Variants in CCDC7 observed in about 807,000 individuals in gnomAD.
CCDC7 encodes the protein coiled-coil domain-containing protein 7.
In CCDC7, 183 loss-of-function variants were observed where a neutral mutation model predicts 196.9. The ratio of observed to expected loss-of-function variants is 0.93; its 90% confidence interval spans 0.82 to 1.05. The LOEUF (loss-of-function observed/expected upper bound fraction) is 1.05, where lower values mean the gene tolerates loss of function less well. CCDC7 is among the 50% of genes least tolerant of loss of function. CCDC7 has a pLI of 0.00. For missense variants in CCDC7, 1,540 were observed against 1,482.2 expected (o/e 1.04, Z -0.64); for synonymous variants, 525 against 484.6 (o/e 1.08, Z -1.10).
chr10:32,672,174 C>T (rs1156702206), intron 21 of CCDC7, among the ~76,000 whole-genome samples: 1 of 152,130 alleles, frequency 6.6e-6, no homozygotes, highest in African/African-American at 2.4e-5. Flanking sequence ...GCACATGCAC[C>T]TCTGCTGCCA....
At chr10:32,615,596 C>T (rs1711676679) in intron 18 of CCDC7, among the ~76,000 whole-genome samples, 1 of 151,944 alleles carries the variant, frequency 6.6e-6, no homozygotes, top group Non-Finnish European at 1.5e-5. Context: ...GCATAATTTA[C>T]AAGTATTTTT....
intron 14 of CCDC7, 52 bp from the exon 16 acceptor site, chr10:32,567,618 G>T: frequency 6.5e-7 from 1 of 1,527,798 alleles, no homozygotes; most frequent in East Asian, 2.4e-5. Flanking sequence ...TGGTAGTATT[G>T]GCAGGAAAAT....
intron 29 of CCDC7, among the ~76,000 whole-genome samples, chr10:32,784,207 A>AATTTT (rs771254824): frequency 6.6e-6 from 1 of 152,144 alleles, no homozygotes; most frequent in Non-Finnish European, 1.5e-5. Context: ...TTACAAAAGA[A>AATTTT]ATTTTATTTT....
At position 32,627,040 on chromosome 10, in the gene CCDC7, T is replaced by G. The variant is rs778950841; in HGVS notation, c.1802-7214T>G. 7.6e-3 allele frequency among the ~76,000 whole-genome samples: 1,151 copies of G among 152,098 alleles called. 9 individuals carry two copies. The highest frequency in any genetic ancestry group is 0.012 in the Non-Finnish European group (833 of 67,924). On this transcript the variant is annotated intron_variant, in intron 18 of 41. Transcript: ENST00000639629. ...GATTGCCTTGGCTATTCAGGTTTTTTTTTTTTTGTGGTTCCATATGAATGT... is the reference window on the plus strand; with the variant it reads ...GATTGCCTTGGCTATTCAGGTTTTTGTTTTTTTGTGGTTCCATATGAATGT...
intron 8 of CCDC7, among the ~76,000 whole-genome samples, chr10:32,491,532 G>GT (rs1421133810): frequency 6.6e-6 from 1 of 152,068 alleles, no homozygotes; most frequent in Non-Finnish European, 1.5e-5. Context: ...TTCTGTTTTA[G>GT]TATGCTATAG....
At chr10:32,870,313 C>T (rs186687606) in intron 41 of CCDC7, among the ~76,000 whole-genome samples, 5,314 of 152,216 alleles carry the variant, frequency 0.035, 104 homozygotes, top group Non-Finnish European at 0.049. Flanking sequence ...AGGTCCTTCA[C>T]ATCCCTTATA....
rs529525286 is a variant in CCDC7 at position 32,641,972 on chromosome 10, T to A, written c.2014+6814T>A. 8.7e-4 allele frequency among the ~76,000 whole-genome samples: 132 copies of A among 152,310 alleles called. 1 individual carries two copies. Among genetic ancestry groups the A allele is most frequent in the African/African-American group, 2.9e-3 (120 of 41,568 alleles). ...GCAGAGGCTGCAGAACAGCTGGTAT[T>A]GGTGAACAGCAAATGTTGCTTCCTG... On this transcript the variant is annotated intron_variant, in intron 20 of 41. Transcript: ENST00000639629.
At chr10:32,449,748 T>C (rs542833394), upstream of CCDC7, among the ~76,000 whole-genome samples, 4 of 152,210 alleles carry the variant, frequency 2.6e-5, no homozygotes, top group Non-Finnish European at 5.9e-5. Context: ...CAATTCAACA[T>C]ATGGTAGAAT....
chr10:32,718,837 A>G lies in CCDC7; in HGVS notation c.2569+7107A>G, dbSNP rs576953783. Among the ~76,000 whole-genome samples the G allele has an allele frequency of 2.0e-5, 3 of 152,346 alleles. No individual in the cohort carries two copies. In the East Asian group the frequency reaches 5.8e-4, roughly 29 times the overall value. ...ATGAGGGATGTAAAGGACCTCTTCA[A>G]GGAAAGCTACAAACCACTGCTCAAG... is the stretch of plus-strand genomic sequence containing the variant. On this transcript the variant is annotated intron_variant, in intron 25 of 41. Transcript: ENST00000639629.
intron 20 of CCDC7, among the ~76,000 whole-genome samples, chr10:32,648,251 T>C (rs895099871): frequency 5.3e-5 from 8 of 152,160 alleles, no homozygotes; most frequent in African/African-American, 1.9e-4. Context: ...TAGTTTGAAG[T>C]TGGCTACTGT....
chr10:32,866,403 G>C (rs1439821859), intron 41 of CCDC7, among the ~76,000 whole-genome samples: 1 of 150,838 alleles, frequency 6.6e-6, no homozygotes, highest in Admixed American at 6.6e-5. Flanking sequence ...AATTATTTGA[G>C]AAAATGAACA....
At chr10:32,837,517 T>C (rs369130833) in intron 33 of CCDC7, among the ~76,000 whole-genome samples, 4 of 152,244 alleles carry the variant, frequency 2.6e-5, no homozygotes, top group Admixed American at 6.5e-5. Context: ...GACAGTGTGG[T>C]GATTCCTCAG....
At chr10:32,487,156 C>T (rs995073748) in intron 8 of CCDC7, among the ~76,000 whole-genome samples, 1 of 152,156 alleles carries the variant, frequency 6.6e-6, no homozygotes, top group South Asian at 2.1e-4. Flanking sequence ...TTCACATAGT[C>T]CCATATTTCT....
At chr10:32,790,217 C>T (rs948222288) in intron 29 of CCDC7, among the ~76,000 whole-genome samples, 5 of 152,178 alleles carry the variant, frequency 3.3e-5, no homozygotes, top group African/African-American at 4.8e-5. Context: ...CTCCACGGCC[C>T]GCTCAGCATT....
intron 28 of CCDC7, among the ~76,000 whole-genome samples, chr10:32,760,438 C>G (rs900605234): frequency 4.0e-5 from 6 of 151,858 alleles, no homozygotes; most frequent in Non-Finnish European, 8.8e-5. Flanking sequence ...AGTTCATGTC[C>G]TTTGTAGGGA....
At chr10:32,544,247 G>A (rs372917450) in exon 13 of CCDC7, 1 of 1,601,408 alleles carries the variant, frequency 6.2e-7, no homozygotes, top group South Asian at 1.1e-5. Context: ...TATGTTACAG[G>A]AAGATGTCTC....
intron 11 of CCDC7, among the ~76,000 whole-genome samples, chr10:32,520,601 C>T (rs1346639760): frequency 6.6e-6 from 1 of 151,796 alleles, no homozygotes; most frequent in African/African-American, 2.4e-5. Flanking sequence ...GTTTGAGCTC[C>T]TTATATATTC....
intron 18 of CCDC7, among the ~76,000 whole-genome samples, chr10:32,633,353 T>C (rs2065143615): frequency 6.6e-6 from 1 of 152,230 alleles, no homozygotes; most frequent in Non-Finnish European, 1.5e-5. Context: ...TCAGGTCTTA[T>C]TCTTGCCTTC....
chr10:32,449,566 CCT>C (rs1238834348), upstream of CCDC7, among the ~76,000 whole-genome samples: 1 of 152,032 alleles, frequency 6.6e-6, no homozygotes, highest in Non-Finnish European at 1.5e-5. Flanking sequence ...GGGGGTGTCC[CCT>C]GTTTGTCTGG....
Sources: gnomAD v4.1 joint callset for allele counts (sites outside exome capture counted in the v4.1 genomes callset) on GRCh38, gnomAD v4.1.1 for gene constraint, MANE v1.5 for transcripts, NCBI Gene and HGNC (gene_info 2026-07-23, HGNC 2026-07-21) for gene names.